Variants in COL14A1 observed in about 807,000 individuals in gnomAD.
COL14A1 encodes the protein collagen alpha-1(XIV) chain.
Under a neutral mutation model 230.3 loss-of-function variants are expected in COL14A1, and 136 were observed. The ratio of observed to expected loss-of-function variants is 0.59; its 90% CI spans 0.51 to 0.68. The LOEUF is 0.68. Among genes scored for constraint, COL14A1 ranks in the 30% least tolerant of loss-of-function variants. The pLI, the probability that COL14A1 is intolerant of heterozygous loss-of-function variation, is 0.00. For missense variants in COL14A1, 1,976 were observed against 2,215.8 expected (o/e 0.89, Z 2.17); for synonymous variants, 792 against 784.1 (o/e 1.01, Z -0.17).
At chr8:120,332,554 G>A (rs758867227) in intron 41 of COL14A1, 110 bp from the exon 42 acceptor site, 21 of 880,512 alleles carry the variant, frequency 2.4e-5, no homozygotes, top group Middle Eastern at 2.2e-4. Flanking sequence ...GGTGATGAGG[G>A]GGAGGGAAGC....
chr8:120,266,873 A>T lies in COL14A1; in HGVS notation c.3063A>T (p.Pro1021=). 6.2e-7 allele frequency: 1 copy of T among 1,611,170 alleles called. No homozygotes were observed. Among genetic ancestry groups the T allele is most frequent in the South Asian group, 1.1e-5 (1 of 91,008 alleles). Residue 1021 remains proline, a synonymous_variant, in exon 25 of 48, where the codon CCA becomes CCT. Coordinates refer to ENST00000297848, the MANE Select transcript of COL14A1 (RefSeq NM_021110.4). ...CAACTTTTCCTCCAACCATTCCACC[A>T]GCAAAAGAAGGTAAAAGAATAATAG... The part of the protein sequence containing the change: ...RPPTFPPTIP[P]AKEVCKAAKA...
intron 6 of COL14A1, among the ~76,000 whole-genome samples, chr8:120,197,501 A>G (rs1481419536): frequency 6.6e-6 from 1 of 152,124 alleles, no homozygotes; most frequent in African/African-American, 2.4e-5. Context: ...TTTGAGAATA[A>G]ATCAACAACA....
rs748859743 is a variant in COL14A1, at chr8:120,225,199, G to GTCA, written c.1849_1850insTCA (p.Gly617delinsValArg). 5 of 1,611,576 alleles carry GTCA rather than the reference G, an allele frequency of 3.1e-6. No homozygotes were observed. Among genetic ancestry groups the GTCA allele is most frequent in the Non-Finnish European group, 4.2e-6 (5 of 1,179,314 alleles). ...TGAAGGACAGTCAGAGCCTCTGACT[G>GTCA]GAGTTTTTACCACCGGTAAGCAGCC... On this transcript the variant is annotated protein_altering_variant, in exon 15 of 48. Transcript: ENST00000297848.
chr8:120,181,922 A>G (rs1354989479), intron 5 of COL14A1, among the ~76,000 whole-genome samples: 1 of 152,158 alleles, frequency 6.6e-6, no homozygotes, highest in Non-Finnish European at 1.5e-5. Flanking sequence ...ACTGCACTCC[A>G]GCCTAGGAGA....
chr8:120,301,299 C>A (rs955592414), intron 36 of COL14A1, among the ~76,000 whole-genome samples: 4 of 152,064 alleles, frequency 2.6e-5, no homozygotes, highest in African/African-American at 9.7e-5. Context: ...TATTTCATCA[C>A]CCAAGTACCA....
At chr8:120,353,820 G>T (rs1212867070) in intron 45 of COL14A1, among the ~76,000 whole-genome samples, 1 of 151,912 alleles carries the variant, frequency 6.6e-6, no homozygotes, top group Non-Finnish European at 1.5e-5. Context: ...AACCATTGTG[G>T]AATTCGGTGT....
intron 40 of COL14A1, among the ~76,000 whole-genome samples, chr8:120,331,716 C>A (rs57892438): frequency 6.6e-6 from 1 of 152,086 alleles, no homozygotes; most frequent in Non-Finnish European, 1.5e-5. Context: ...GCAGACTTTC[C>A]GATATTGTAG....
At chr8:120,240,528 G>A (rs1818579327) in intron 19 of COL14A1, among the ~76,000 whole-genome samples, 1 of 152,108 alleles carries the variant, frequency 6.6e-6, no homozygotes, top group African/African-American at 2.4e-5. Context: ...AATAATGTAT[G>A]GCGCAGAAAG....
intron 40 of COL14A1, among the ~76,000 whole-genome samples, chr8:120,330,823 C>T (rs901248144): frequency 6.6e-6 from 1 of 152,022 alleles, no homozygotes; most frequent in Non-Finnish European, 1.5e-5. Flanking sequence ...GATGGATTTT[C>T]TGTCGGGTGT....
chr8:120,148,423 G>A (rs959888306), intron 2 of COL14A1, among the ~76,000 whole-genome samples: 7 of 152,144 alleles, frequency 4.6e-5, no homozygotes, highest in South Asian at 2.1e-4. Flanking sequence ...GAGCCACCAT[G>A]CCTGGCCTAT....
chr8:120,244,091 CAGTAGATTGCAGTGAAGAAACTAAA>C, intron 20 of COL14A1, 83 bp downstream of exon 20: 2 of 1,442,472 alleles, frequency 1.4e-6, no homozygotes, highest in Non-Finnish European at 1.9e-6. Context: ...CTGAAAGATA[CAGTAGATTGCAGTGAAGAAACTAAA>C]AGATTTGGGA....
At position 120,373,219 on chromosome 8, in the gene COL14A1, C is replaced by T. The variant is rs1812218940; in HGVS notation, c.*1988C>T. On this transcript the variant is annotated 3_prime_UTR_variant, in exon 48 of 48. Coordinates refer to ENST00000297848, the MANE Select transcript of COL14A1 (RefSeq NM_021110.4). ...GTTTGTGTATAAATGGCGAAGTATA[C>T]ACTATGAGAGATTCTAATCCATTCA... 6.6e-6 allele frequency among the ~76,000 whole-genome samples: 1 copy of T among 152,156 alleles called. No individual in the cohort carries two copies. The highest frequency in any genetic ancestry group is 1.5e-5 in the Non-Finnish European group (1 of 68,022).
At chr8:120,187,184 C>A (rs1816678479) in intron 5 of COL14A1, among the ~76,000 whole-genome samples, 1 of 152,138 alleles carries the variant, frequency 6.6e-6, no homozygotes. Flanking sequence ...TTATATAAAC[C>A]ATAATTGGGT....
At chr8:120,149,687 A>AT (rs11300699) in intron 2 of COL14A1, among the ~76,000 whole-genome samples, 177 of 125,668 alleles carry the variant, frequency 1.4e-3, no homozygotes, top group South Asian at 3.0e-3. Flanking sequence ...CTGTTTTTTC[A>AT]TTTTTTTTTT....
intron 1 of COL14A1, among the ~76,000 whole-genome samples, chr8:120,143,384 C>T (rs1326974734): frequency 1.3e-5 from 2 of 151,990 alleles, no homozygotes; most frequent in Non-Finnish European, 2.9e-5. Context: ...TTTGGGAGGC[C>T]GAGGTGGGCG....
chr8:120,279,965 A>C lies in COL14A1; in HGVS notation c.3512A>C (p.Asp1171Ala). Residue 1171 changes from aspartate (D) to alanine (A), a missense_variant, in exon 29 of 48, where the codon GAT becomes GCT. Around this residue, in one of 3 missense-constraint regions of COL14A1, gnomAD observed 1,791 missense variants for 2,019.5 expected, o/e 0.89. Coordinates refer to ENST00000297848, the MANE Select transcript of COL14A1 (RefSeq NM_021110.4). Reference sequence around the variant, plus strand: ...AGCATTTTTGCAATTGGTGTGGCCGATGCAGATTACTCGGAGTTGGTTAGC... The same window carrying C: ...AGCATTTTTGCAATTGGTGTGGCCGCTGCAGATTACTCGGAGTTGGTTAGC... ...GYSIFAIGVA[D>A]ADYSELVSIG... 6.2e-7 allele frequency: 1 copy of C among 1,613,752 alleles called. No individual in the cohort carries two copies.
chr8:120,339,853 C>G lies in COL14A1; in HGVS notation c.4786-1472C>G, dbSNP rs140218109. Among the ~76,000 whole-genome samples the G allele has an allele frequency of 4.4e-4, 67 of 152,058 alleles. 1 individual carries two copies. The highest frequency in any genetic ancestry group is 1.5e-3 in the African/African-American group (63 of 41,470). On this transcript the variant is annotated intron_variant, in intron 42 of 47. Coordinates refer to ENST00000297848, the MANE Select transcript of COL14A1 (RefSeq NM_021110.4). ...AAGAATTTGAAACCATCCTGGCCAC[C>G]ATGGTGAAACCCCGTCTCTACTAAA...
intron 40 of COL14A1, among the ~76,000 whole-genome samples, chr8:120,317,697 T>C (rs950319081): frequency 1.3e-5 from 2 of 152,194 alleles, no homozygotes; most frequent in Non-Finnish European, 2.9e-5. Flanking sequence ...ACATGTTGAA[T>C]TAGTGTTTGA....
intron 37 of COL14A1, among the ~76,000 whole-genome samples, chr8:120,311,632 C>G (rs543787309): frequency 2.8e-4 from 43 of 152,280 alleles, no homozygotes; most frequent in African/African-American, 9.9e-4. Flanking sequence ...CGGAAGGCCC[C>G]AGTATGTATG....
Sources: allele counts gnomAD v4.1 joint callset (sites outside exome capture counted in the v4.1 genomes callset), GRCh38; gene constraint gnomAD v4.1.1; regional missense constraint gnomAD v4.1.1; transcripts MANE v1.5; gene names NCBI Gene and HGNC (gene_info 2026-07-23, HGNC 2026-07-21).